NKX3-2: variants seen among roughly 807,000 people sequenced by gnomAD.
The protein encoded by NKX3-2 is NK3 homeobox 2.
A neutral mutation model predicts 19.4 loss-of-function variants in NKX3-2; 13 were observed. That is an observed-to-expected ratio of 0.67 (90% CI 0.44 to 1.07). The LOEUF is 1.07. Ranked by LOEUF, NKX3-2 falls within the 50% of genes least tolerant of loss-of-function variation. The probability of loss-of-function intolerance (pLI) is 0.00; values close to 1 mark genes in which losing one functional copy is unlikely to be tolerated. For synonymous variants in NKX3-2, 269 were observed against 230.5 expected (o/e 1.17, Z -1.51); for missense variants, 562 against 488.2 (o/e 1.15, Z -1.42).
Position 13,543,273 on chromosome 4 carries a change from G to A in NKX3-2, c.466+676C>T, listed in dbSNP as rs543876773. 1.3e-5 allele frequency among the ~76,000 whole-genome samples: 2 copies of A among 152,258 alleles called. No homozygotes were observed. The highest frequency in any genetic ancestry group is 1.3e-4 in the Admixed American group (2 of 15,300). ...CTACAGAAGCTTGTACCCAACTAGGGCAGGCACCCGGGTCTTCCAGACCAC... is the reference window on the plus strand; with the variant it reads ...CTACAGAAGCTTGTACCCAACTAGGACAGGCACCCGGGTCTTCCAGACCAC... On this transcript the variant is annotated intron_variant, in intron 1 of 1. Transcript: ENST00000382438. The surrounding 1 kb of genome is among the most constrained non-coding windows in gnomAD (Gnocchi z 7.1).
At position 13,544,458 on chromosome 4, in the gene NKX3-2, C is replaced by A; in HGVS notation, c.-44G>T. 7.1e-7 allele frequency: 1 copy of A among 1,409,860 alleles called. No individual in the cohort carries two copies. The highest frequency in any genetic ancestry group is 9.3e-7 in the Non-Finnish European group (1 of 1,077,836). The allele number at this position is 1,409,860 out of a possible 1,614,324, so 87.3% of individuals were successfully genotyped here. On this transcript the variant is annotated 5_prime_UTR_variant, in exon 1 of 2. Coordinates refer to ENST00000382438, the MANE Select transcript of NKX3-2 (RefSeq NM_001189.4). ...CGGCCGGCGGGGCGGGCAGCTGGGG[C>A]GCCGAGCAGCTCCGAGCGGGACAGA...
Position 13,542,518 on chromosome 4 carries a change from G to A in NKX3-2, c.477C>T (p.Ser159=). The change falls in exon 2 of 2, where the codon AGC becomes AGT. Residue 159 remains serine (S), a synonymous_variant. Coordinates refer to ENST00000382438, the MANE Select transcript of NKX3-2 (RefSeq NM_001189.4). This position sits in a 1 kb window ranked among gnomAD's most constrained non-coding sequence, Gnocchi z 6.4. ...CAACACCGTCGTCCTCGGTCCTTGG[G>A]CTGCGGTCGCCTGCGGACCCCGGTG... The part of the protein sequence containing the change: ...EMSASVSGDR[S]PRTEDDGVGP... 6.3e-7 allele frequency: 1 copy of A among 1,596,548 alleles called. No individual in the cohort carries two copies. The highest frequency in any genetic ancestry group is 8.5e-7 in the Non-Finnish European group (1 of 1,179,592).
At position 13,543,734 on chromosome 4, in the gene NKX3-2, C is replaced by A. The variant is rs1176261217; in HGVS notation, c.466+215G>T. On this transcript the variant is annotated intron_variant, in intron 1 of 1. Transcript: ENST00000382438. This position sits in a 1 kb window ranked among gnomAD's most constrained non-coding sequence, Gnocchi z 7.1. ...GGCCCAGGATGTCTCAGGCCTCACC[C>A]CAGGACGTAGGGCTCTGAGGAGCTA... 1.3e-5 allele frequency among the ~76,000 whole-genome samples: 2 copies of A among 152,228 alleles called. No individual in the cohort carries two copies. Among genetic ancestry groups the A allele is most frequent in the Non-Finnish European group, 2.9e-5 (2 of 68,040 alleles).
In NKX3-2 at chr4:13,542,705, A is replaced by C. The variant is rs1718020744; in HGVS notation, c.467-177T>G. ...GAGACCAGTCTTAGACTCTTGCCCCACTGGGTATCCCATCTAGGCCTCTTC... is the reference window on the plus strand; with the variant it reads ...GAGACCAGTCTTAGACTCTTGCCCCCCTGGGTATCCCATCTAGGCCTCTTC... On this transcript the variant is annotated intron_variant, in intron 1 of 1. Coordinates refer to ENST00000382438, the MANE Select transcript of NKX3-2 (RefSeq NM_001189.4). This position sits in a 1 kb window ranked among gnomAD's most constrained non-coding sequence, Gnocchi z 6.4. 6.6e-6 allele frequency among the ~76,000 whole-genome samples: 1 copy of C among 152,062 alleles called. No individual in the cohort carries two copies. The highest frequency in any genetic ancestry group is 1.5e-5 in the Non-Finnish European group (1 of 68,026).
Position 13,544,301 on chromosome 4 carries a change from G to A in NKX3-2, c.114C>T (p.Gly38=), listed in dbSNP as rs939795508. The part of the protein sequence containing the change: ...AAPEGRPAPG[G]TAASVAAAPA... ...GAGCCGCGGCCACCGATGCCGCTGT[G>A]CCCCCGGGCGCCGGGCGCCCCTCTG... The change falls in exon 1 of 2, where the codon GGC becomes GGT. Residue 38 remains glycine, a synonymous_variant. Coordinates refer to ENST00000382438, the MANE Select transcript of NKX3-2 (RefSeq NM_001189.4). The A allele has an allele frequency of 9.8e-6, 15 of 1,532,168 alleles. No homozygotes were observed. The African/African-American group carries it at 2.0e-4, about 20-fold the overall frequency. 94.9% of individuals were successfully genotyped at this position (1,532,168 alleles called of 1,614,324 possible).
At chr4:13,546,874 C>T, upstream of NKX3-2, 3 of 455,198 alleles carry the variant, frequency 6.6e-6, no homozygotes, top group Non-Finnish European at 1.3e-5. Flanking sequence ...GTCTTCAAAG[C>T]ATGAAAAGAT....
At chr4:13,546,205 T>C (rs1397673136), upstream of NKX3-2, 4 of 152,276 alleles carry the variant, frequency 2.6e-5, no homozygotes, top group Non-Finnish European at 5.9e-5. Flanking sequence ...CAGAAGGAAA[T>C]ACACTGACTA....
Position 13,543,438 on chromosome 4 carries a change from T to C in NKX3-2, c.466+511A>G, listed in dbSNP as rs1718037705. On this transcript the variant is annotated intron_variant, in intron 1 of 1. Coordinates refer to ENST00000382438, the MANE Select transcript of NKX3-2 (RefSeq NM_001189.4). The surrounding 1 kb of genome is among the most constrained non-coding windows in gnomAD (Gnocchi z 7.1). ...GCCAAACCAGCCCTTTCCCCAAAGC[T>C]CTAGTTCTGCAGATTCTCAGCTCTG... Among the ~76,000 whole-genome samples the C allele has an allele frequency of 6.6e-6, 1 of 152,054 alleles. No individual in the cohort carries two copies. The highest frequency in any genetic ancestry group is 1.5e-5 in the Non-Finnish European group (1 of 68,004).
In NKX3-2 at chr4:13,541,860, C is replaced by G. The variant is rs900697058; in HGVS notation, c.*133G>C. 4.6e-5 allele frequency: 63 copies of G among 1,376,664 alleles called. No individual in the cohort carries two copies. The Admixed American group carries it at 1.2e-3, about 25-fold the overall frequency. 85.3% of individuals were successfully genotyped at this position (1,376,664 alleles called of 1,614,324 possible). A position where few individuals can be genotyped will look rare whatever the true frequency, so the allele number is the denominator to read the frequency against. ...CTGCCAGGGGACAAGTCCTGGCTAA[C>G]GGGAGCTGGAGCTGGGTTTCACCTC... On this transcript the variant is annotated 3_prime_UTR_variant, in exon 2 of 2. Coordinates refer to ENST00000382438, the MANE Select transcript of NKX3-2 (RefSeq NM_001189.4).
upstream of NKX3-2, chr4:13,547,649 TGCCGC>T (rs1215640200): frequency 1.9e-5 from 3 of 158,146 alleles, no homozygotes; most frequent in Non-Finnish European, 4.1e-5. Context: ...GCCCCCTACG[TGCCGC>T]GCCCTTCGGT....
upstream of NKX3-2, chr4:13,547,237 C>G (rs555214293): frequency 3.3e-4 from 149 of 456,326 alleles, no homozygotes; most frequent in African/African-American, 2.8e-3. Context: ...GTGGCGAAGG[C>G]GCAGCAGGCC....
Position 13,544,248 on chromosome 4 carries a change from C to T in NKX3-2, c.167G>A (p.Gly56Glu). 2 of 1,581,500 alleles carry T rather than the reference C, an allele frequency of 1.3e-6. No individual in the cohort carries two copies. The highest frequency in any genetic ancestry group is 1.7e-6 in the Non-Finnish European group (2 of 1,172,366). ...APAVCCWRLF[G>E]ERDAGALGGA... ...CCCCAACGCGCCCGCGTCCCTCTCC[C>T]CAAAGAGCCGCCAACAGCAGACAGC... The change falls in exon 1 of 2, where the codon GGG (glycine) becomes GAG (glutamate). Residue 56 changes from glycine (G) to glutamate (E), a missense_variant. Coordinates refer to ENST00000382438, the MANE Select transcript of NKX3-2 (RefSeq NM_001189.4).
rs1475023908 is a variant in NKX3-2, at chr4:13,541,856, C to G, written c.*137G>C. The G allele has an allele frequency of 7.4e-7, 1 of 1,360,196 alleles. No individual in the cohort carries two copies. The allele number at this position is 1,360,196 out of a possible 1,614,324, so 84.3% of individuals were successfully genotyped here. On this transcript the variant is annotated 3_prime_UTR_variant, in exon 2 of 2. Transcript: ENST00000382438. ...CCAGCTGCCAGGGGACAAGTCCTGG[C>G]TAACGGGAGCTGGAGCTGGGTTTCA...
chr4:13,544,071 C>G lies in NKX3-2; in HGVS notation c.344G>C (p.Gly115Ala). 1 of 1,579,246 alleles carries G rather than the reference C, an allele frequency of 6.3e-7. No individual in the cohort carries two copies. Among genetic ancestry groups the G allele is most frequent in the South Asian group, 1.2e-5 (1 of 86,382 alleles). The stretch of plus-strand genomic sequence containing the variant: ...CAAGGATCCCCCCGCAAGGCCGGCC[C>G]CGCTGGCCCCCCGCGCGTCCGCGCA... The part of the protein sequence containing the change: ...RRCADARGAS[G>A]AGLAGGSLSL... Residue 115 changes from glycine (G) to alanine (A), a missense_variant, in exon 1 of 2, where the codon GGG (glycine) becomes GCG (alanine). Gly to Ala is a moderately conservative substitution (Grantham distance 60). Transcript: ENST00000382438.
chr4:13,545,111 TC>T (rs1382421593), upstream of NKX3-2: 1 of 152,252 alleles, frequency 6.6e-6, no homozygotes, highest in Non-Finnish European at 1.5e-5. Context: ...CACTGGGCTG[TC>T]CCGGGCGCTC....
At chr4:13,544,893 G>A (rs1718091252), upstream of NKX3-2, 1 of 152,194 alleles carries the variant, frequency 6.6e-6, no homozygotes, top group African/African-American at 2.4e-5. Flanking sequence ...CTGCTGGGCA[G>A]GCTCTTCCGG....
chr4:13,546,667 G>C, upstream of NKX3-2: 1 of 352,798 alleles, frequency 2.8e-6, no homozygotes, highest in South Asian at 2.1e-5. Context: ...AATGGAGTGA[G>C]ATCCGAACAT....
upstream of NKX3-2, chr4:13,547,335 G>C (rs1718156454): frequency 4.6e-6 from 2 of 436,754 alleles, no homozygotes; most frequent in South Asian, 1.6e-5. Context: ...GACTTCCTTC[G>C]GGCTCAGCTG....
chr4:13,547,434 G>A (rs952363534), upstream of NKX3-2: 7 of 319,040 alleles, frequency 2.2e-5, no homozygotes, highest in Non-Finnish European at 3.7e-5. Context: ...CGGCCCGGCC[G>A]GGCGGCCGGT....
Sources: gnomAD v4.1 joint callset for allele counts (sites outside exome capture counted in the v4.1 genomes callset) on GRCh38, gnomAD v4.1.1 for gene constraint, Gnocchi (gnomAD v3.1) non-coding constraint, MANE v1.5 for transcripts, NCBI Gene and HGNC (gene_info 2026-07-23, HGNC 2026-07-21) for gene names.